CDH13: variants seen among roughly 807,000 people sequenced by gnomAD.
The protein encoded by CDH13 is cadherin-13.
A neutral mutation model predicts 63.8 loss-of-function variants in CDH13; 24 were observed. The ratio of observed to expected loss-of-function variants is 0.38; its 90% confidence interval spans 0.27 to 0.53. CDH13 has a LOEUF of 0.53. Among genes scored for constraint, CDH13 ranks in the 20% least tolerant of loss-of-function variants. The probability of loss-of-function intolerance (pLI) is 0.85; values close to 1 mark genes in which losing one functional copy is unlikely to be tolerated. For synonymous variants in CDH13, 503 were observed against 355.3 expected (o/e 1.42, Z -4.67); for missense variants, 1,049 against 903.1 (o/e 1.16, Z -2.07).
intron 4 of CDH13, among the ~76,000 whole-genome samples, chr16:83,134,544 G>GGGGAGAGAGAGAGAGA (rs2036192984): frequency 1.2e-5 from 1 of 84,332 alleles, no homozygotes; most frequent in Non-Finnish European, 2.2e-5. Context: ...TGGGGTGGGG[G>GGGGAGAGAGAGAGAGA]GAGAGAGAGA....
At chr16:83,602,293 G>A (rs1287327114) in intron 7 of CDH13, among the ~76,000 whole-genome samples, 161 bp from the exon 8 acceptor site, 2 of 151,952 alleles carry the variant, frequency 1.3e-5, no homozygotes, top group African/African-American at 4.8e-5. Context: ...GATTCCAAAG[G>A]CACATTTATA....
At chr16:83,153,869 A>G (rs2037094867) in intron 4 of CDH13, among the ~76,000 whole-genome samples, 2 of 152,186 alleles carry the variant, frequency 1.3e-5, no homozygotes, top group Non-Finnish European at 2.9e-5. Context: ...CATTGTAGTT[A>G]TTTTATATTT....
chr16:82,819,044 G>C (rs1796329103), intron 1 of CDH13, among the ~76,000 whole-genome samples: 1 of 152,174 alleles, frequency 6.6e-6, no homozygotes, highest in Non-Finnish European at 1.5e-5. Flanking sequence ...TGGCATGTGT[G>C]ATTGCTTCTA....
At chr16:83,442,234 G>A (rs1030917017) in intron 6 of CDH13, among the ~76,000 whole-genome samples, 8 of 152,140 alleles carry the variant, frequency 5.3e-5, no homozygotes, top group African/African-American at 9.7e-5. Context: ...TACCTCATCC[G>A]TAAAATGAGA....
At chr16:82,856,964 C>T (rs781336147) in intron 1 of CDH13, among the ~76,000 whole-genome samples, 23 of 152,120 alleles carry the variant, frequency 1.5e-4, no homozygotes, top group Non-Finnish European at 2.6e-4. Context: ...AAGGACCACT[C>T]CCAGGATGTT....
chr16:83,466,029 A>G (rs141027604), intron 6 of CDH13, among the ~76,000 whole-genome samples: 162 of 152,258 alleles, frequency 1.1e-3, no homozygotes, highest in Admixed American at 2.4e-3. Context: ...CAACCTACAC[A>G]CATGTGCTGA....
intron 4 of CDH13, among the ~76,000 whole-genome samples, chr16:83,128,127 CAG>C (rs2035892010): frequency 3.3e-5 from 5 of 152,328 alleles, no homozygotes; most frequent in African/African-American, 1.2e-4. Context: ...TCAGAATCAG[CAG>C]AGACACTTAA....
intron 3 of CDH13, among the ~76,000 whole-genome samples, chr16:83,053,113 G>A (rs531824683): frequency 2.0e-5 from 3 of 152,288 alleles, no homozygotes; most frequent in South Asian, 4.1e-4. Flanking sequence ...GATAATTCAT[G>A]TGAGGCTCTT....
intron 2 of CDH13, among the ~76,000 whole-genome samples, chr16:82,894,811 C>A (rs1298718001): frequency 6.6e-6 from 1 of 152,156 alleles, no homozygotes; most frequent in Non-Finnish European, 1.5e-5. Context: ...AAATGAGAGG[C>A]AAGTGACGTG....
chr16:83,609,071 C>T (rs954777985), intron 8 of CDH13, among the ~76,000 whole-genome samples: 1 of 152,048 alleles, frequency 6.6e-6, no homozygotes, highest in African/African-American at 2.4e-5. Flanking sequence ...TATTGGAAAA[C>T]TTGTGCACAT....
intron 6 of CDH13, among the ~76,000 whole-genome samples, chr16:83,464,812 A>C (rs1457405415): frequency 6.6e-6 from 1 of 152,070 alleles, no homozygotes; most frequent in Non-Finnish European, 1.5e-5. Context: ...TAGTACAGAA[A>C]GTGATAATGT....
chr16:83,032,782 G>C (rs773358216), intron 3 of CDH13, among the ~76,000 whole-genome samples: 11 of 152,188 alleles, frequency 7.2e-5, no homozygotes, highest in East Asian at 1.9e-4. Flanking sequence ...CCAGGGCAGA[G>C]TCAGCCCTAT....
At chr16:83,558,483 T>C (rs2075643694) in intron 7 of CDH13, among the ~76,000 whole-genome samples, 1 of 152,214 alleles carries the variant, frequency 6.6e-6, no homozygotes, top group South Asian at 2.1e-4. Flanking sequence ...TATGCATGAA[T>C]AATGTATGTA....
intron 3 of CDH13, among the ~76,000 whole-genome samples, chr16:83,101,085 G>C (rs985434138): frequency 6.6e-6 from 1 of 151,956 alleles, no homozygotes; most frequent in Non-Finnish European, 1.5e-5. Context: ...GCCAGACACT[G>C]GTCTAGGCAC....
intron 5 of CDH13, among the ~76,000 whole-genome samples, chr16:83,319,168 A>G (rs941661113): frequency 6.6e-6 from 1 of 152,178 alleles, no homozygotes; most frequent in Non-Finnish European, 1.5e-5. Flanking sequence ...TGTCTCTTAT[A>G]GAACTATAAT....
chr16:83,423,878 C>G (rs1235857220), intron 6 of CDH13, among the ~76,000 whole-genome samples: 1 of 152,186 alleles, frequency 6.6e-6, no homozygotes. Flanking sequence ...TTACTTTCTA[C>G]CCCCATTTCC....
intron 7 of CDH13, among the ~76,000 whole-genome samples, chr16:83,600,092 C>T (rs373833458): frequency 1.3e-5 from 2 of 152,132 alleles, no homozygotes; most frequent in African/African-American, 2.4e-5. Context: ...CCGAGAGATG[C>T]CAACGAAACC....
chr16:82,995,004 A>G (rs1912046862), intron 2 of CDH13, among the ~76,000 whole-genome samples: 1 of 151,990 alleles, frequency 6.6e-6, no homozygotes, highest in African/African-American at 2.4e-5. Context: ...GATTATCCTG[A>G]AGATAGAATG....
chr16:82,796,808 A>G (rs567672501), intron 1 of CDH13, among the ~76,000 whole-genome samples: 7 of 152,336 alleles, frequency 4.6e-5, no homozygotes, highest in South Asian at 4.1e-4. Context: ...AGACAGGGGA[A>G]TTCAGAGAGC....
Sources: gnomAD v4.1 joint callset for allele counts (sites outside exome capture counted in the v4.1 genomes callset) on GRCh38, gnomAD v4.1.1 for gene constraint, MANE v1.5 for transcripts, NCBI Gene and HGNC (gene_info 2026-07-23, HGNC 2026-07-21) for gene names.